Variants in FERMT2 observed in about 807,000 individuals in gnomAD.
The protein encoded by FERMT2 is fermitin family homolog 2.
FERMT2 carries 15 observed loss-of-function variants against 82.7 expected under a neutral mutation model. The observed-to-expected ratio is 0.18, with a 90% CI of 0.12 to 0.28. FERMT2 has a LOEUF of 0.28. FERMT2 is among the 10% of genes least tolerant of loss of function. FERMT2 has a pLI of 1.00. For synonymous variants in FERMT2, 274 were observed against 271.5 expected, an observed-to-expected ratio of 1.01 and a Z score of -0.09; for missense variants, 645 against 809.4, an observed-to-expected ratio of 0.80 and a Z score of 2.46.
At chr14:52,909,989 G>C (rs982165339) in intron 3 of FERMT2, among the ~76,000 whole-genome samples, 5 of 152,134 alleles carry the variant, frequency 3.3e-5, no homozygotes, top group Non-Finnish European at 7.4e-5. Context: ...GGAGGTAGAG[G>C]CTGCAGTGAG....
intron 4 of FERMT2, among the ~76,000 whole-genome samples, chr14:52,889,705 G>A (rs928283857): frequency 7.9e-5 from 12 of 152,054 alleles, no homozygotes; most frequent in African/African-American, 2.9e-4. Flanking sequence ...CTATACGGAT[G>A]GTATAGTCTA....
At position 52,864,551 on chromosome 14, in the gene FERMT2, A is replaced by C. The variant is rs1322002641; in HGVS notation, c.1452T>G (p.Ser484=). 1.2e-6 allele frequency: 2 copies of C among 1,614,208 alleles called. No individual in the cohort carries two copies. The highest frequency in any genetic ancestry group is 1.7e-6 in the Non-Finnish European group (2 of 1,180,028). ...ASKGKTMADS[S]YNLEVQNILS... ...GAATATTCTGAACTTCTAAGTTGTA[A>C]GAACTGTCCGCCATGGTCTTGCCTT... Residue 484 remains serine, a synonymous_variant, in exon 12 of 15, where the codon TCT becomes TCG. Transcript: ENST00000341590.
At chr14:52,876,087 A>G (rs1566723917) in intron 7 of FERMT2, among the ~76,000 whole-genome samples, 1 of 152,214 alleles carries the variant, frequency 6.6e-6, no homozygotes, top group Non-Finnish European at 1.5e-5. Flanking sequence ...TACAAAGGTC[A>G]GCAGAACCTT....
intron 6 of FERMT2, 35 bp downstream of exon 6, chr14:52,881,001 G>C: frequency 7.4e-7 from 1 of 1,350,896 alleles, no homozygotes; most frequent in Non-Finnish European, 1.0e-6. Context: ...CAAATTAATG[G>C]GGAAAAAAAA....
chr14:52,858,193 T>TCATAA lies in FERMT2; in HGVS notation c.*179_*183dup, dbSNP rs1323594445. Reference sequence around the variant, plus strand: ...GTGTGACAAATTCAAGTTTATTATATCATAACATGATAGATTAATAGTCGT... The same window carrying TCATAA: ...GTGTGACAAATTCAAGTTTATTATATCATAACATAACATGATAGATTAATAGTCGT... On this transcript the variant is annotated 3_prime_UTR_variant, in exon 15 of 15. Transcript: ENST00000341590. 1.8e-6 allele frequency: 1 copy of TCATAA among 544,114 alleles called. No homozygotes were observed. Among genetic ancestry groups the TCATAA allele is most frequent in the Non-Finnish European group, 3.2e-6 (1 of 307,722 alleles). The allele number at this position is 544,114 out of a possible 1,614,324, so 33.7% of individuals were successfully genotyped here. A position where few individuals can be genotyped will look rare whatever the true frequency, so the allele number is the denominator to read the frequency against.
intron 3 of FERMT2, among the ~76,000 whole-genome samples, chr14:52,909,213 T>C (rs1431719772): frequency 6.6e-6 from 1 of 152,176 alleles, no homozygotes; most frequent in Non-Finnish European, 1.5e-5. Flanking sequence ...CATTGGAGCA[T>C]TTCCTTTGAA....
intron 2 of FERMT2, among the ~76,000 whole-genome samples, chr14:52,932,858 A>G (rs1252143824): frequency 6.6e-6 from 1 of 152,216 alleles, no homozygotes; most frequent in Non-Finnish European, 1.5e-5. Flanking sequence ...AGTGCAATCT[A>G]CAACACTATC....
At chr14:52,867,077 T>C (rs1449378578) in intron 10 of FERMT2, among the ~76,000 whole-genome samples, 1 of 151,954 alleles carries the variant, frequency 6.6e-6, no homozygotes. Context: ...ATAGATAAAG[T>C]TCATTAAAAA....
intron 3 of FERMT2, among the ~76,000 whole-genome samples, chr14:52,907,031 G>A (rs981785544): frequency 7.1e-6 from 1 of 139,970 alleles, no homozygotes; most frequent in South Asian, 2.4e-4. Context: ...AAATGTTTTT[G>A]AGACAGGGTC....
chr14:52,895,365 A>G (rs956303187), intron 3 of FERMT2, among the ~76,000 whole-genome samples: 7 of 152,224 alleles, frequency 4.6e-5, no homozygotes, highest in Middle Eastern at 3.2e-3. Flanking sequence ...TATTTACCCA[A>G]GAAGATGAAA....
At position 52,919,224 on chromosome 14, in the gene FERMT2, T is replaced by A; in HGVS notation, c.290A>T (p.Lys97Ile). ...DAKLQFTPQH[K>I]LLRLQLPNMK... is the part of the protein sequence containing the mutation. Reference sequence around the variant, plus strand: ...GTTGGGAAGCTGCAGGCGGAGCAGTTTGTGCTGAGGGGTGAACTGAAGCTT... The same window carrying A: ...GTTGGGAAGCTGCAGGCGGAGCAGTATGTGCTGAGGGGTGAACTGAAGCTT... The change falls in exon 3 of 15, where the codon AAA becomes ATA. Residue 97 changes from lysine to isoleucine, a missense_variant. By Grantham distance (102) the Lys-to-Ile change is moderately radical. Coordinates refer to ENST00000341590, the MANE Select transcript of FERMT2 (RefSeq NM_006832.3). 6.2e-7 allele frequency: 1 copy of A among 1,614,102 alleles called. No homozygotes were observed. Among genetic ancestry groups the A allele is most frequent in the Non-Finnish European group, 8.5e-7 (1 of 1,179,982 alleles).
chr14:52,897,163 A>G (rs527433157), intron 3 of FERMT2, among the ~76,000 whole-genome samples: 1 of 152,318 alleles, frequency 6.6e-6, no homozygotes, highest in East Asian at 1.9e-4. Flanking sequence ...TGTTTTCATA[A>G]AAGGTGAAAC....
At chr14:52,900,768 C>T (rs575083832) in intron 3 of FERMT2, among the ~76,000 whole-genome samples, 5 of 152,250 alleles carry the variant, frequency 3.3e-5, no homozygotes, top group Middle Eastern at 3.4e-3. Context: ...CTTTCCTGTT[C>T]CATTACTGAA....
intron 2 of FERMT2, among the ~76,000 whole-genome samples, chr14:52,922,107 T>G (rs1406643605): frequency 6.6e-6 from 1 of 152,098 alleles, no homozygotes; most frequent in African/African-American, 2.4e-5. Flanking sequence ...GGAAGCACAC[T>G]TGAGGGGATC....
At chr14:52,882,292 C>A (rs1293931425) in intron 4 of FERMT2, among the ~76,000 whole-genome samples, 1 of 151,930 alleles carries the variant, frequency 6.6e-6, no homozygotes, top group Non-Finnish European at 1.5e-5. Context: ...TAAAAGTCTG[C>A]CCTAGAAAGA....
chr14:52,919,401 G>A, intron 2 of FERMT2, 45 bp from the exon 3 acceptor site: 4 of 1,403,270 alleles, frequency 2.9e-6, no homozygotes, highest in Non-Finnish European at 3.9e-6. Flanking sequence ...AATCACCAAG[G>A]TGATTTTGAG....
intron 4 of FERMT2, among the ~76,000 whole-genome samples, chr14:52,890,315 A>T (rs2139532629): frequency 6.7e-6 from 1 of 148,822 alleles, no homozygotes; most frequent in South Asian, 2.2e-4. Flanking sequence ...GTGGTGATGC[A>T]CGCCTGTAAT....
Position 52,881,398 on chromosome 14 carries a change from G to C in FERMT2, c.598C>G (p.Pro200Ala). The part of the protein sequence containing the change: ...TPTYDAHDGS[P>A]LSPTSAWFGD... ...AACCAAGCAGAAGTTGGTGACAAGG[G>C]GCTTCCATCATGAGCATCATAAGTG... The change falls in exon 5 of 15, where the codon CCC becomes GCC. Residue 200 changes from proline (P) to alanine (A), a missense_variant. Coordinates refer to ENST00000341590, the MANE Select transcript of FERMT2 (RefSeq NM_006832.3). 1 of 1,613,896 alleles carries C rather than the reference G, an allele frequency of 6.2e-7. No individual in the cohort carries two copies. Among genetic ancestry groups the C allele is most frequent in the Non-Finnish European group, 8.5e-7 (1 of 1,179,968 alleles).
chr14:52,920,236 A>G (rs1325535414), intron 2 of FERMT2, among the ~76,000 whole-genome samples: 1 of 152,222 alleles, frequency 6.6e-6, no homozygotes, highest in Non-Finnish European at 1.5e-5. Context: ...TTAAAGCTGC[A>G]ATCAAAGTAA....
Sources: gnomAD v4.1 joint callset for allele counts (sites outside exome capture counted in the v4.1 genomes callset) on GRCh38, gnomAD v4.1.1 for gene constraint, MANE v1.5 for transcripts, NCBI Gene and HGNC (gene_info 2026-07-23, HGNC 2026-07-21) for gene names.